SHISAL2A: variants seen among roughly 807,000 people sequenced by gnomAD.
SHISAL2A encodes the protein shisa like 2A, also known as protein shisa-like-2A.
In SHISAL2A, 18 loss-of-function variants were observed where a neutral mutation model predicts 11.5. That is an observed-to-expected ratio of 1.57 (90% CI 1.08 to 2.33). The LOEUF (loss-of-function observed/expected upper bound fraction) is 2.33. Ranked by LOEUF, SHISAL2A falls within the 30% of genes most tolerant of loss-of-function variation. The probability of loss-of-function intolerance (pLI) is 0.00; values close to 1 mark genes in which losing one functional copy is unlikely to be tolerated. For missense variants in SHISAL2A, 261 were observed against 250.9 expected (o/e 1.04, Z -0.27); for synonymous variants, 94 against 99.6 (o/e 0.94, Z 0.34).
rs1334901904 is a variant in SHISAL2A, at chr1:52,656,777, T to G, written c.323-13T>G. 3 of 1,591,222 alleles carry G rather than the reference T, an allele frequency of 1.9e-6. No individual in the cohort carries two copies. The highest frequency in any genetic ancestry group is 1.3e-5 in the African/African-American group (1 of 74,562). ...AGAAGAGAGCCACACACCCTCAGTT[T>G]GCTGTTTTCCAGGCCCTGAGGAGGT... On this transcript the variant is annotated splice_polypyrimidine_tract_variant and intron_variant, in intron 2 of 2. Coordinates refer to ENST00000517870, the MANE Select transcript of SHISAL2A (RefSeq NM_001042693.3).
chr1:52,633,003 C>T (rs557894062), upstream of SHISAL2A, among the ~76,000 whole-genome samples: 650 of 152,230 alleles, frequency 4.3e-3, 4 homozygotes, highest in African/African-American at 0.014. The surrounding 1 kb of genome is among the most constrained non-coding windows in gnomAD (Gnocchi z 6.4). Flanking sequence ...GCCCCAGCCC[C>T]GAATGCCCCG....
At chr1:52,655,452 CAAAAAAAAAAAAA>C (rs11346128) in intron 2 of SHISAL2A, among the ~76,000 whole-genome samples, 1,110 of 40,222 alleles carry the variant, frequency 0.028, 20 homozygotes, top group African/African-American at 0.09. Flanking sequence ...CCTGTATCTA[CAAAAAAAAAAAAA>C]AAAAAAAAAA....
chr1:52,636,115 C>T, intron 1 of SHISAL2A, among the ~76,000 whole-genome samples: 1 of 152,208 alleles, frequency 6.6e-6, no homozygotes, highest in Admixed American at 6.5e-5. Flanking sequence ...AGCTTTGGGG[C>T]TGGTCAGAAT....
At chr1:52,650,513 T>C (rs181425787) in intron 2 of SHISAL2A, among the ~76,000 whole-genome samples, 10 of 152,232 alleles carry the variant, frequency 6.6e-5, no homozygotes, top group African/African-American at 2.4e-4. Context: ...TGATGCTTAC[T>C]GGTATTTAAT....
intron 4 of SHISAL2A, among the ~76,000 whole-genome samples, chr1:52,666,276 A>G (rs1692012339): frequency 6.6e-6 from 1 of 151,964 alleles, no homozygotes; most frequent in African/African-American, 2.4e-5. Context: ...ACATGATGAA[A>G]CCGTGCCTCT....
At chr1:52,662,980 A>T (rs754486318) in intron 4 of SHISAL2A, among the ~76,000 whole-genome samples, 4 of 152,176 alleles carry the variant, frequency 2.6e-5, no homozygotes, top group Non-Finnish European at 4.4e-5. Context: ...ATCTCCAAGG[A>T]GGCCTTTCTC....
At chr1:52,636,402 A>G (rs1691237337) in intron 1 of SHISAL2A, among the ~76,000 whole-genome samples, 1 of 138,508 alleles carries the variant, frequency 7.2e-6, no homozygotes, top group Non-Finnish European at 1.6e-5. Flanking sequence ...GTCACTTATT[A>G]TCTATGTGGA....
intron 2 of SHISAL2A, among the ~76,000 whole-genome samples, chr1:52,653,742 C>A (rs960231975): frequency 1.3e-5 from 2 of 151,942 alleles, no homozygotes; most frequent in Admixed American, 6.6e-5. Flanking sequence ...AAATTGCAAC[C>A]CGCCCTTTTT....
In SHISAL2A at chr1:52,633,518, G is replaced by C; in HGVS notation, c.25G>C (p.Val9Leu). The C allele has an allele frequency of 6.3e-7, 1 of 1,577,998 alleles. No homozygotes were observed. Among genetic ancestry groups the C allele is most frequent in the Non-Finnish European group, 8.6e-7 (1 of 1,165,434 alleles). The change falls in exon 1 of 3, where the codon GTG (valine) becomes CTG (leucine). Residue 9 changes from valine (V) to leucine (L), a missense_variant. Transcript: ENST00000517870. This position sits in a 1 kb window ranked among gnomAD's most constrained non-coding sequence, Gnocchi z 6.4. The stretch of plus-strand genomic sequence containing the variant: ...GATGAGCGGCGCCTGCACGAGCTAC[G>C]TGAGCGCAGAGCAGGAGGTGGTGCG... MSGACTSY[V>L]SAEQEVVRGF...
chr1:52,637,088 A>G (rs1273133616), intron 1 of SHISAL2A, among the ~76,000 whole-genome samples: 1 of 152,048 alleles, frequency 6.6e-6, no homozygotes, highest in Non-Finnish European at 1.5e-5. Context: ...TGGCTCAGAC[A>G]ATGCTTTCTT....
At chr1:52,653,038 C>A (rs1187986226) in intron 2 of SHISAL2A, among the ~76,000 whole-genome samples, 11 of 124,362 alleles carry the variant, frequency 8.8e-5, no homozygotes. Flanking sequence ...AAAGTCAAAA[C>A]CAAACATCAA....
intron 4 of SHISAL2A, among the ~76,000 whole-genome samples, chr1:52,666,686 G>A (rs1463855247): frequency 1.3e-5 from 2 of 152,062 alleles, no homozygotes; most frequent in Non-Finnish European, 2.9e-5. Flanking sequence ...AAGATTCTCA[G>A]TTGTAAACAA....
chr1:52,643,057 G>T, intron 2 of SHISAL2A, 55 bp downstream of exon 2: 2 of 1,557,032 alleles, frequency 1.3e-6, no homozygotes, highest in Middle Eastern at 1.7e-4. Context: ...ACCTTTTCAA[G>T]GGGGGAGAAA....
chr1:52,656,644 G>C (rs1200626478), intron 2 of SHISAL2A, 146 bp from the exon 3 acceptor site: 2 of 855,056 alleles, frequency 2.3e-6, no homozygotes, highest in Non-Finnish European at 3.7e-6. Context: ...GTGGTGTATT[G>C]TTAATAAATA....
At chr1:52,636,567 T>C (rs1691240617) in intron 1 of SHISAL2A, among the ~76,000 whole-genome samples, 1 of 152,228 alleles carries the variant, frequency 6.6e-6, no homozygotes, top group Non-Finnish European at 1.5e-5. Context: ...TCCCTTTCCT[T>C]GGTTCATAGG....
intron 2 of SHISAL2A, among the ~76,000 whole-genome samples, chr1:52,655,234 A>C (rs1428266680): frequency 2.0e-5 from 3 of 151,818 alleles, no homozygotes; most frequent in African/African-American, 7.3e-5. Flanking sequence ...AACACCCTAA[A>C]CTCAACATTA....
At chr1:52,661,137 T>C (rs1242386368), downstream of SHISAL2A, among the ~76,000 whole-genome samples, 1 of 152,038 alleles carries the variant, frequency 6.6e-6, no homozygotes, top group Non-Finnish European at 1.5e-5. Flanking sequence ...GCTGGAAGGG[T>C]AGACGAGCCA....
intron 4 of SHISAL2A, among the ~76,000 whole-genome samples, chr1:52,667,241 G>A (rs934959271): frequency 6.6e-6 from 1 of 152,214 alleles, no homozygotes; most frequent in Non-Finnish European, 1.5e-5. Context: ...ATGGGTACAC[G>A]AACACCTACC....
In SHISAL2A at chr1:52,657,061, T is replaced by C; in HGVS notation, c.*21T>C. On this transcript the variant is annotated 3_prime_UTR_variant, in exon 3 of 3. Coordinates refer to ENST00000517870, the MANE Select transcript of SHISAL2A (RefSeq NM_001042693.3). ...CATAAACATTCAATAAATGTCTCCATACCATCCCCTTCTGGAGTCTCTTCA... is the reference window on the plus strand; with the variant it reads ...CATAAACATTCAATAAATGTCTCCACACCATCCCCTTCTGGAGTCTCTTCA... The C allele has an allele frequency of 1.3e-6, 2 of 1,563,136 alleles. No homozygotes were observed. The highest frequency in any genetic ancestry group is 1.7e-6 in the Non-Finnish European group (2 of 1,151,438).
Sources: gnomAD v4.1 joint callset for allele counts (sites outside exome capture counted in the v4.1 genomes callset) on GRCh38, gnomAD v4.1.1 for gene constraint, Gnocchi (gnomAD v3.1) non-coding constraint, MANE v1.5 for transcripts, NCBI Gene and HGNC (gene_info 2026-07-23, HGNC 2026-07-21) for gene names.